The following MOV10L1 variants were observed in gnomAD, a reference collection of about 807,000 sequenced individuals.
The protein encoded by MOV10L1 is RNA helicase Mov10l1.
In MOV10L1, 110 loss-of-function variants were observed where a neutral mutation model predicts 143.8. That is an observed-to-expected ratio of 0.76 (90% CI 0.66 to 0.90). MOV10L1 has a LOEUF of 0.90. Ranked by LOEUF, MOV10L1 falls within the 40% of genes least tolerant of loss-of-function variation. MOV10L1 has a pLI of 0.00. For missense variants in MOV10L1, 1,406 were observed against 1,526.8 expected, an observed-to-expected ratio of 0.92 and a Z score of 1.32; for synonymous variants, 593 against 581.1, an observed-to-expected ratio of 1.02 and a Z score of -0.29.
intron 2 of MOV10L1, among the ~76,000 whole-genome samples, chr22:50,097,561 T>C (rs1463590737): frequency 6.6e-6 from 1 of 152,196 alleles, no homozygotes; most frequent in Non-Finnish European, 1.5e-5. Flanking sequence ...ATCAATTGAC[T>C]GCACATGCAA....
chr22:50,109,514 AC>A (rs1486585997), intron 5 of MOV10L1, among the ~76,000 whole-genome samples: 1 of 151,624 alleles, frequency 6.6e-6, no homozygotes, highest in Non-Finnish European at 1.5e-5. Flanking sequence ...CTAAAAAAAT[AC>A]AAAAAATTAG....
At chr22:50,143,982 C>T in intron 17 of MOV10L1, 115 bp from the exon 18 acceptor site, 3 of 1,363,388 alleles carry the variant, frequency 2.2e-6, no homozygotes, top group Non-Finnish European at 3.0e-6. Flanking sequence ...GGGCTGGCAT[C>T]TGAGCCCATG....
intron 2 of MOV10L1, among the ~76,000 whole-genome samples, chr22:50,098,212 A>T (rs1569268394): frequency 6.7e-6 from 1 of 148,508 alleles, no homozygotes; most frequent in African/African-American, 2.6e-5. Context: ...TCTTAATAAT[A>T]ATTAAGTATT....
intron 22 of MOV10L1, among the ~76,000 whole-genome samples, chr22:50,153,791 T>C (rs2063357690): frequency 6.6e-6 from 1 of 152,178 alleles, no homozygotes; most frequent in Admixed American, 6.5e-5. Flanking sequence ...AGATAGTTTG[T>C]ATTAGGAGTT....
At chr22:50,142,982 G>C in intron 16 of MOV10L1, 61 bp from the exon 17 acceptor site, 1 of 1,518,114 alleles carries the variant, frequency 6.6e-7, no homozygotes, top group Non-Finnish European at 9.1e-7. Context: ...AGGTGAGGAC[G>C]TGTCCACAGC....
chr22:50,100,798 C>T (rs751917664), intron 3 of MOV10L1, among the ~76,000 whole-genome samples: 5 of 152,258 alleles, frequency 3.3e-5, no homozygotes, highest in Non-Finnish European at 5.9e-5. Context: ...AGCCACCACT[C>T]CCGGCTTTAT....
chr22:50,098,871 G>A (rs545111503), intron 2 of MOV10L1, among the ~76,000 whole-genome samples: 13 of 152,194 alleles, frequency 8.5e-5, no homozygotes, highest in African/African-American at 2.9e-4. Flanking sequence ...TTGAGTGTTT[G>A]CATCATAAAA....
intron 25 of MOV10L1, 41 bp from the exon 26 acceptor site, chr22:50,160,923 T>C: frequency 6.2e-7 from 1 of 1,613,684 alleles, no homozygotes; most frequent in Admixed American, 1.7e-5. Context: ...ACATGGGGCC[T>C]TCACTTGCTC....
intron 12 of MOV10L1, among the ~76,000 whole-genome samples, 162 bp downstream of exon 12, chr22:50,126,434 A>G (rs2062508399): frequency 6.6e-6 from 1 of 152,256 alleles, no homozygotes; most frequent in Non-Finnish European, 1.5e-5. Context: ...TTTGATGCAT[A>G]AAGGAAACTT....
chr22:50,133,643 T>G (rs2062740876), intron 13 of MOV10L1, among the ~76,000 whole-genome samples: 1 of 151,826 alleles, frequency 6.6e-6, no homozygotes, highest in African/African-American at 2.4e-5. Flanking sequence ...CAGGTTCAAG[T>G]GATTCTCATG....
chr22:50,122,334 A>T (rs952670474), intron 10 of MOV10L1, among the ~76,000 whole-genome samples: 1 of 152,172 alleles, frequency 6.6e-6, no homozygotes, highest in Non-Finnish European at 1.5e-5. Context: ...CATTGCTCTC[A>T]TAGCTGCCTT....
chr22:50,102,841 C>T (rs977252110), intron 3 of MOV10L1, among the ~76,000 whole-genome samples: 2 of 151,922 alleles, frequency 1.3e-5, no homozygotes, highest in South Asian at 2.1e-4. Flanking sequence ...GCAGAGGTTG[C>T]GGTGAGCCAA....
intron 26 of MOV10L1, 92 bp from the exon 27 acceptor site, chr22:50,161,276 C>A: frequency 8.7e-7 from 1 of 1,152,606 alleles, no homozygotes; most frequent in Non-Finnish European, 1.2e-6. Flanking sequence ...AAACTAAGTC[C>A]CCTTGTAAAA....
intron 10 of MOV10L1, among the ~76,000 whole-genome samples, chr22:50,125,069 C>T (rs1291104652): frequency 6.6e-6 from 1 of 152,224 alleles, no homozygotes; most frequent in African/African-American, 2.4e-5. Flanking sequence ...CTGTGGAAGC[C>T]AAATTCTGCC....
At chr22:50,106,633 T>C (rs1262462218) in intron 3 of MOV10L1, among the ~76,000 whole-genome samples, 9 of 151,958 alleles carry the variant, frequency 5.9e-5, no homozygotes, top group Admixed American at 5.9e-4. Context: ...AAGGCATGGT[T>C]TACAAAACGC....
chr22:50,097,657 T>TCAAAC (rs2062622706), intron 2 of MOV10L1, among the ~76,000 whole-genome samples: 1 of 152,216 alleles, frequency 6.6e-6, no homozygotes, highest in South Asian at 2.1e-4. Context: ...TGACTGTAAC[T>TCAAAC]TTGTAGGAAG....
rs371034772 is a variant in MOV10L1, at chr22:50,158,054, C to T, written c.3067-3C>T. On this transcript the variant is annotated splice_region_variant and splice_polypyrimidine_tract_variant and intron_variant, in intron 22 of 26. Coordinates refer to ENST00000262794, the MANE Select transcript of MOV10L1 (RefSeq NM_018995.3). This position sits in a 1 kb window ranked among gnomAD's most constrained non-coding sequence, Gnocchi z 5.0. ...AGTAGGTTTTCTCTCCTCATCAACC[C>T]AGGGCAGCGAGGCACGGGAGGGAAA... 2 of 1,612,478 alleles carry T rather than the reference C, an allele frequency of 1.2e-6. No individual in the cohort carries two copies. Among genetic ancestry groups the T allele is most frequent in the Non-Finnish European group, 1.7e-6 (2 of 1,179,058 alleles).
chr22:50,101,616 A>G (rs1002170978), intron 3 of MOV10L1, among the ~76,000 whole-genome samples: 1 of 150,944 alleles, frequency 6.6e-6, no homozygotes, highest in Non-Finnish European at 1.5e-5. Context: ...GATTCAAGCA[A>G]TTCTCTTGCC....
chr22:50,154,428 C>G (rs2147449491), intron 22 of MOV10L1, among the ~76,000 whole-genome samples: 1 of 151,592 alleles, frequency 6.6e-6, no homozygotes, highest in African/African-American at 2.4e-5. Context: ...ATTAGCTGAG[C>G]ATGGTGGCAT....
Sources: allele counts gnomAD v4.1 joint callset (sites outside exome capture counted in the v4.1 genomes callset), GRCh38; gene constraint gnomAD v4.1.1; non-coding constraint Gnocchi (gnomAD v3.1); transcripts MANE v1.5; gene names NCBI Gene and HGNC (gene_info 2026-07-23, HGNC 2026-07-21).